SDK1: variants seen among roughly 807,000 people sequenced by gnomAD.
SDK1 encodes sidekick cell adhesion molecule 1.
SDK1 carries 157 observed loss-of-function variants against 245.5 expected under a neutral mutation model. The ratio of observed to expected loss-of-function variants is 0.64; its 90% CI spans 0.56 to 0.73. The LOEUF (loss-of-function observed/expected upper bound fraction) is 0.73. Ranked by LOEUF, SDK1 falls within the 30% of genes least tolerant of loss-of-function variation. The pLI, the probability that SDK1 is intolerant of heterozygous loss-of-function variation, is 0.00. For synonymous variants in SDK1, 1,647 were observed against 1,278.5 expected (o/e 1.29, Z -6.15); for missense variants, 3,583 against 3,002.3 (o/e 1.19, Z -4.52).
chr7:3,657,399 A>T (rs992056351), intron 4 of SDK1, among the ~76,000 whole-genome samples: 1 of 152,080 alleles, frequency 6.6e-6, no homozygotes, highest in African/African-American at 2.4e-5. Context: ...GGCACAGCAC[A>T]CCCTGCCGAG....
intron 1 of SDK1, among the ~76,000 whole-genome samples, chr7:3,552,001 A>G (rs1360775336): frequency 6.6e-6 from 1 of 152,048 alleles, no homozygotes; most frequent in African/African-American, 2.4e-5. Context: ...TTGTAGTGTG[A>G]TACAACTCCT....
chr7:3,599,288 T>G (rs1454127111), intron 1 of SDK1, among the ~76,000 whole-genome samples: 1 of 152,062 alleles, frequency 6.6e-6, no homozygotes, highest in Non-Finnish European at 1.5e-5. Flanking sequence ...AAATGTCTGT[T>G]TATATCTTTT....
intron 4 of SDK1, among the ~76,000 whole-genome samples, chr7:3,814,323 C>T (rs2115051379): frequency 6.8e-6 from 1 of 147,904 alleles, no homozygotes; most frequent in South Asian, 2.2e-4. Context: ...TTTCAGCTTT[C>T]TACATATGGC....
At chr7:4,040,406 A>G (rs1184049849) in intron 17 of SDK1, among the ~76,000 whole-genome samples, 1 of 152,174 alleles carries the variant, frequency 6.6e-6, no homozygotes, top group East Asian at 1.9e-4. Flanking sequence ...ACACAAGTCG[A>G]ACCACATTGT....
At chr7:3,718,438 G>A (rs949668629) in intron 4 of SDK1, among the ~76,000 whole-genome samples, 3 of 151,712 alleles carry the variant, frequency 2.0e-5, no homozygotes, top group Non-Finnish European at 2.9e-5. Context: ...AGCCCCGGAG[G>A]TTGAGGCCCG....
At chr7:3,675,019 C>A (rs1348135942) in intron 4 of SDK1, among the ~76,000 whole-genome samples, 1 of 152,132 alleles carries the variant, frequency 6.6e-6, no homozygotes, top group Non-Finnish European at 1.5e-5. Flanking sequence ...AAGCCTGCAT[C>A]AAATTCTGTA....
chr7:3,404,260 G>T (rs1049666181), intron 1 of SDK1, among the ~76,000 whole-genome samples: 1 of 152,082 alleles, frequency 6.6e-6, no homozygotes, highest in African/African-American at 2.4e-5. Context: ...AAAGCTAAGT[G>T]CAGTAAGACA....
At chr7:3,857,554 G>C (rs940754809) in intron 5 of SDK1, among the ~76,000 whole-genome samples, 1 of 152,044 alleles carries the variant, frequency 6.6e-6, no homozygotes, top group South Asian at 2.1e-4. Flanking sequence ...ACGTGTGGTG[G>C]TGCATGCCTG....
intron 1 of SDK1, among the ~76,000 whole-genome samples, chr7:3,434,185 G>C (rs915787148): frequency 3.3e-5 from 5 of 152,100 alleles, no homozygotes; most frequent in African/African-American, 1.2e-4. Context: ...AGGCTCAGTA[G>C]CTGTACTACT....
chr7:4,023,672 C>T (rs931847425), intron 17 of SDK1, among the ~76,000 whole-genome samples: 13 of 152,196 alleles, frequency 8.5e-5, no homozygotes, highest in Non-Finnish European at 1.8e-4. Flanking sequence ...GTGTTTACTT[C>T]AGCAACTTTC....
chr7:3,957,670 A>G (rs1781382849), intron 7 of SDK1, among the ~76,000 whole-genome samples: 1 of 152,178 alleles, frequency 6.6e-6, no homozygotes, highest in South Asian at 2.1e-4. Flanking sequence ...CAGCTACTGT[A>G]TGTATAGTTG....
chr7:3,352,361 T>G (rs1380459310), intron 1 of SDK1, among the ~76,000 whole-genome samples: 2 of 152,048 alleles, frequency 1.3e-5, no homozygotes, highest in African/African-American at 4.8e-5. Flanking sequence ...TATGTGGGAT[T>G]AGGAAAGTAA....
At chr7:3,603,595 G>A (rs1781318971) in intron 1 of SDK1, among the ~76,000 whole-genome samples, 1 of 151,976 alleles carries the variant, frequency 6.6e-6, no homozygotes, top group Non-Finnish European at 1.5e-5. Context: ...GAGACGATGG[G>A]GTTTTCTAGA....
intron 4 of SDK1, among the ~76,000 whole-genome samples, chr7:3,672,724 T>C (rs1344019417): frequency 5.8e-5 from 7 of 121,190 alleles, no homozygotes; most frequent in Non-Finnish European, 1.0e-4. Flanking sequence ...TTATATTAAA[T>C]AAAAATGTAA....
intron 4 of SDK1, among the ~76,000 whole-genome samples, chr7:3,766,214 A>G (rs545048941): frequency 6.6e-6 from 1 of 152,294 alleles, no homozygotes; most frequent in Admixed American, 6.5e-5. Flanking sequence ...ACAGTATCTC[A>G]TTTGCATTAG....
intron 1 of SDK1, among the ~76,000 whole-genome samples, chr7:3,542,070 C>G (rs1328912949): frequency 6.6e-6 from 1 of 152,174 alleles, no homozygotes; most frequent in Non-Finnish European, 1.5e-5. Flanking sequence ...AAACTTGACA[C>G]AATTATATTT....
At chr7:3,471,997 G>C (rs949446311) in intron 1 of SDK1, among the ~76,000 whole-genome samples, 1 of 152,154 alleles carries the variant, frequency 6.6e-6, no homozygotes, top group Non-Finnish European at 1.5e-5. Context: ...TTATAGTCTT[G>C]AGCATTTTTT....
At position 3,944,504 on chromosome 7, in the gene SDK1, ATAAAT is replaced by A. The variant is rs530893279; in HGVS notation, c.848-6415_848-6411del. 5.2e-3 allele frequency among the ~76,000 whole-genome samples: 785 copies of A among 152,364 alleles called. 5 individuals are homozygous for A. Among genetic ancestry groups the A allele is most frequent in the Non-Finnish European group, 9.4e-3 (641 of 68,042 alleles). On this transcript the variant is annotated intron_variant, in intron 5 of 44. Coordinates refer to ENST00000404826, the MANE Select transcript of SDK1 (RefSeq NM_152744.4). ...GGCTCTTAATTTTAGAATCTTTATGATAAATTAATCATTGAGTATTTGATGAGTGT... is the reference window on the plus strand; with the variant it reads ...GGCTCTTAATTTTAGAATCTTTATGATAATCATTGAGTATTTGATGAGTGT...
rs557858557 is a variant in SDK1 at position 3,373,217 on chromosome 7, C to A, written c.298+71333C>A. 2.6e-5 allele frequency among the ~76,000 whole-genome samples: 4 copies of A among 152,308 alleles called. No individual in the cohort carries two copies. The East Asian group carries it at 7.7e-4, about 29-fold the overall frequency. ...ACCTTAAACGTGCTCAGAGCACTTACATTAGCCTAGAAGGGCAGAATCACC... is the reference window on the plus strand; with the variant it reads ...ACCTTAAACGTGCTCAGAGCACTTAAATTAGCCTAGAAGGGCAGAATCACC... On this transcript the variant is annotated intron_variant, in intron 1 of 44. Coordinates refer to ENST00000404826, the MANE Select transcript of SDK1 (RefSeq NM_152744.4).
Sources: allele counts gnomAD v4.1 joint callset (sites outside exome capture counted in the v4.1 genomes callset), GRCh38; gene constraint gnomAD v4.1.1; transcripts MANE v1.5; gene names NCBI Gene and HGNC (gene_info 2026-07-23, HGNC 2026-07-21).